Variants in ANKRD36B observed in about 807,000 individuals in gnomAD.
The protein encoded by ANKRD36B is ankyrin repeat domain 36B.
ANKRD36B carries 37 observed loss-of-function variants against 135.7 expected under a neutral mutation model. The observed-to-expected ratio is 0.27, with a 90% confidence interval of 0.21 to 0.36. ANKRD36B has a LOEUF of 0.36. ANKRD36B is among the 10% of genes least tolerant of loss of function. The probability of loss-of-function intolerance (pLI) is 1.00; values close to 1 mark genes in which losing one functional copy is unlikely to be tolerated. For missense variants in ANKRD36B, 549 were observed against 1,037.1 expected (o/e 0.53, Z 6.46); for synonymous variants, 179 against 348.1 (o/e 0.51, Z 5.41).
intron 3 of ANKRD36B, among the ~76,000 whole-genome samples, chr2:97,580,833 A>G (rs1352441662): frequency 9.8e-6 from 1 of 102,478 alleles, no homozygotes; most frequent in Non-Finnish European, 1.9e-5. Flanking sequence ...CTTCTGTCCC[A>G]GCATTTAGCA....
rs1380721587 is a variant in ANKRD36B, at chr2:97,538,515, GA to G, written c.1988-153del. The stretch of plus-strand genomic sequence containing the variant: ...GTTTGTGTCTTTGGGACAGGAACAT[GA>G]GGAAATATGCTGAAGAAAATAGGAA... On this transcript the variant is annotated intron_variant, in intron 30 of 43. Transcript: ENST00000359901. Among the ~76,000 whole-genome samples the G allele has an allele frequency of 2.1e-5, 2 of 96,890 alleles. 1 individual carries two copies. Among genetic ancestry groups the G allele is most frequent in the African/African-American group, 6.2e-5 (2 of 32,402 alleles). The allele number at this position is 96,890 out of a possible 152,430, so 63.6% of individuals were successfully genotyped here. A position where few individuals can be genotyped will look rare whatever the true frequency, so the allele number is the denominator to read the frequency against.
At chr2:97,569,640 T>C (rs1319061766) in intron 6 of ANKRD36B, among the ~76,000 whole-genome samples, 1 of 148,890 alleles carries the variant, frequency 6.7e-6, no homozygotes, top group Non-Finnish European at 1.5e-5. Context: ...GGGGGAGCTA[T>C]GAACGTGAGG....
At chr2:97,560,599 T>G in intron 8 of ANKRD36B, 66 bp downstream of exon 8, 1 of 1,584,406 alleles carries the variant, frequency 6.3e-7, no homozygotes, top group Non-Finnish European at 8.6e-7. Flanking sequence ...CACTGATTTA[T>G]TTGGGGAAGG....
rs1244329918 is a variant in ANKRD36B, at chr2:97,535,258, C to A, written c.2191+1042G>T. Among the ~76,000 whole-genome samples, 9 of 100,760 alleles carry A rather than the reference C, an allele frequency of 8.9e-5. 2 individuals are homozygous for A. Among genetic ancestry groups the A allele is most frequent in the South Asian group, 2.3e-4 (1 of 4,270 alleles). The allele number at this position is 100,760 out of a possible 152,430, so 66.1% of individuals were successfully genotyped here. A position where few individuals can be genotyped will look rare whatever the true frequency, so the allele number is the denominator to read the frequency against. The stretch of plus-strand genomic sequence containing the variant: ...ATGAATAAAATGTAGCATTTTATAG[C>A]ACAAAAACATGACTACAGTCAGAAA... On this transcript the variant is annotated intron_variant, in intron 34 of 43. Transcript: ENST00000359901.
At chr2:97,556,841 G>A in intron 12 of ANKRD36B, 96 bp downstream of exon 12, 1 of 1,501,780 alleles carries the variant, frequency 6.7e-7, no homozygotes, top group Non-Finnish European at 9.0e-7. Flanking sequence ...GAATCAGAAA[G>A]TGCATTTTCA....
rs550700601 is a variant in ANKRD36B, at chr2:97,513,039, T to C, written c.2805+141A>G. Reference sequence around the variant, plus strand: ...AAGATTTATTATAAATAATTATAGCTATAAATGCCATGATTCATTTTTAAG... The same window carrying C: ...AAGATTTATTATAAATAATTATAGCCATAAATGCCATGATTCATTTTTAAG... On this transcript the variant is annotated intron_variant, in intron 38 of 43. Coordinates refer to ENST00000359901, the MANE Select transcript of ANKRD36B (RefSeq NM_001393939.1). 1,146 of 1,012,570 alleles carry C rather than the reference T, an allele frequency of 1.1e-3. 53 individuals carry two copies. Among genetic ancestry groups the C allele is most frequent in the Admixed American group, 1.8e-3 (53 of 28,724 alleles). 62.7% of individuals were successfully genotyped at this position (1,012,570 alleles called of 1,614,324 possible).
At position 97,529,815 on chromosome 2, in the gene ANKRD36B, G is replaced by T. The variant is rs1377290046; in HGVS notation, c.2265+2496C>A. Among the ~76,000 whole-genome samples, 39 of 95,328 alleles carry T rather than the reference G, an allele frequency of 4.1e-4. 5 individuals carry two copies. Among genetic ancestry groups the T allele is most frequent in the African/African-American group, 1.2e-3 (39 of 31,874 alleles). 62.5% of individuals were successfully genotyped at this position (95,328 alleles called of 152,430 possible). ...AATTCCCATTCACAATTGCTTCAAAGAGAATAAAATACCTAGGAATCCAAC... is the reference window on the plus strand; with the variant it reads ...AATTCCCATTCACAATTGCTTCAAATAGAATAAAATACCTAGGAATCCAAC... On this transcript the variant is annotated intron_variant, in intron 35 of 43. Coordinates refer to ENST00000359901, the MANE Select transcript of ANKRD36B (RefSeq NM_001393939.1).
intron 35 of ANKRD36B, among the ~76,000 whole-genome samples, chr2:97,527,237 G>A (rs916463289): frequency 1.0e-5 from 1 of 95,810 alleles, no homozygotes; most frequent in Non-Finnish European, 2.8e-5. Flanking sequence ...AGAAGAGAGT[G>A]GGGGCCAATA....
chr2:97,531,838 A>G (rs1352857788), intron 35 of ANKRD36B, among the ~76,000 whole-genome samples: 2 of 96,742 alleles, frequency 2.1e-5, no homozygotes, highest in East Asian at 4.6e-4. Flanking sequence ...CTCTCCCTCA[A>G]CATAGAAACT....
chr2:97,555,888 T>C (rs920505659), intron 12 of ANKRD36B, among the ~76,000 whole-genome samples: 1 of 151,838 alleles, frequency 6.6e-6, no homozygotes, highest in African/African-American at 2.4e-5. Flanking sequence ...CCTTCAGAAA[T>C]TTTCTTCATC....
At chr2:97,541,382 CT>C (rs1218839099) in intron 28 of ANKRD36B, among the ~76,000 whole-genome samples, 1 of 95,928 alleles carries the variant, frequency 1.0e-5, no homozygotes, top group East Asian at 2.3e-4. Flanking sequence ...GTTCACTCAG[CT>C]TTCCTCAACA....
chr2:97,567,277 AGCTACCTGGAT>A (rs1311362390), intron 6 of ANKRD36B, among the ~76,000 whole-genome samples: 1 of 148,592 alleles, frequency 6.7e-6, no homozygotes, highest in African/African-American at 2.5e-5. Context: ...AGCTGAATAC[AGCTACCTGGAT>A]GCTCTCCAAA....
chr2:97,535,363 A>G (rs1299658065), intron 34 of ANKRD36B, among the ~76,000 whole-genome samples: 1 of 102,542 alleles, frequency 9.8e-6, no homozygotes, highest in African/African-American at 2.7e-5. Context: ...GCTTGAGGTG[A>G]TGGATAACCC....
At chr2:97,543,071 A>C (rs980256632) in intron 26 of ANKRD36B, among the ~76,000 whole-genome samples, 1 of 152,026 alleles carries the variant, frequency 6.6e-6, no homozygotes, top group Non-Finnish European at 1.5e-5. Context: ...AAGTTTATCT[A>C]ATTTCTATAA....
chr2:97,552,849 C>A (rs1056049827), intron 16 of ANKRD36B, among the ~76,000 whole-genome samples: 10 of 151,914 alleles, frequency 6.6e-5, no homozygotes, highest in African/African-American at 2.4e-4. Context: ...TCCTTCCACC[C>A]TTAGTGAAAC....
intron 20 of ANKRD36B, among the ~76,000 whole-genome samples, 155 bp from the exon 21 acceptor site, chr2:97,547,886 GAA>G (rs1559155982): frequency 1.3e-5 from 2 of 151,816 alleles, no homozygotes; most frequent in Non-Finnish European, 2.9e-5. Context: ...GAACATGACA[GAA>G]ATACGCTGAG....
At chr2:97,546,442 C>A (rs535595088) in intron 22 of ANKRD36B, among the ~76,000 whole-genome samples, 1 of 151,774 alleles carries the variant, frequency 6.6e-6, no homozygotes, top group South Asian at 2.1e-4. Flanking sequence ...ATCTCTCACA[C>A]GCACGTGGTG....
intron 6 of ANKRD36B, among the ~76,000 whole-genome samples, chr2:97,574,520 C>A (rs1256465611): frequency 6.6e-6 from 1 of 152,110 alleles, no homozygotes; most frequent in African/African-American, 2.4e-5. Flanking sequence ...AGCATTTGAC[C>A]CAGCCATCCC....
At chr2:97,580,430 A>C in intron 4 of ANKRD36B, 32 bp downstream of exon 4, 1 of 1,503,002 alleles carries the variant, frequency 6.7e-7, no homozygotes, top group East Asian at 2.5e-5. Flanking sequence ...ACTCAGGTTT[A>C]AAAACAACAC....
Sources: allele counts gnomAD v4.1 joint callset (sites outside exome capture counted in the v4.1 genomes callset), GRCh38; gene constraint gnomAD v4.1.1; transcripts MANE v1.5; gene names NCBI Gene and HGNC (gene_info 2026-07-23, HGNC 2026-07-21).